Variants in PDZD2 observed in about 807,000 individuals in gnomAD.
PDZD2 encodes the protein PDZ domain-containing protein 2.
In PDZD2, 90 loss-of-function variants were observed where a neutral mutation model predicts 220.7. The observed-to-expected ratio is 0.41, with a 90% CI of 0.34 to 0.49. The LOEUF is 0.49. Among genes scored for constraint, PDZD2 ranks in the 20% least tolerant of loss-of-function variants. The pLI, the probability that PDZD2 is intolerant of heterozygous loss-of-function variation, is 0.28. For synonymous variants in PDZD2, 1,375 were observed against 1,450.5 expected, an observed-to-expected ratio of 0.95 and a Z score of 1.18; for missense variants, 3,174 against 3,608.5, an observed-to-expected ratio of 0.88 and a Z score of 3.08.
intron 1 of PDZD2, among the ~76,000 whole-genome samples, chr5:31,662,757 G>A (rs1474463545): frequency 3.9e-5 from 6 of 152,192 alleles, no homozygotes; most frequent in Non-Finnish European, 8.8e-5. Context: ...AGCCTCCCGG[G>A]TAGCTGGGAC....
intron 1 of PDZD2, among the ~76,000 whole-genome samples, chr5:31,741,359 G>T (rs937047347): frequency 2.2e-5 from 3 of 139,496 alleles, no homozygotes; most frequent in African/African-American, 5.3e-5. Context: ...TTAAAGCCAA[G>T]ATTTTTTTTT....
intron 1 of PDZD2, among the ~76,000 whole-genome samples, chr5:31,728,899 G>T (rs1749337500): frequency 6.6e-6 from 1 of 151,658 alleles, no homozygotes; most frequent in Non-Finnish European, 1.5e-5. Context: ...CTGTCACCTA[G>T]GCCGGAGTGC....
intron 2 of PDZD2, among the ~76,000 whole-genome samples, chr5:31,864,839 C>G (rs1175718619): frequency 5.6e-5 from 4 of 70,932 alleles, no homozygotes; most frequent in African/African-American, 2.3e-4. Context: ...TGAGATTTGT[C>G]TTTTTTTTTT....
intron 2 of PDZD2, 42 bp from the exon 3 acceptor site, chr5:31,983,113 G>A: frequency 1.3e-6 from 2 of 1,580,434 alleles, no homozygotes; most frequent in Non-Finnish European, 1.7e-6. Context: ...TGTCTAGGAA[G>A]GGTGTGTGGG....
chr5:31,782,709 T>A (rs1315706478), intron 1 of PDZD2, among the ~76,000 whole-genome samples: 2 of 49,498 alleles, frequency 4.0e-5, no homozygotes, highest in Non-Finnish European at 7.3e-5. Context: ...CACTTTAGAT[T>A]TTTTTTTTTT....
chr5:32,057,930 C>T lies in PDZD2; in HGVS notation c.2027C>T (p.Pro676Leu), dbSNP rs1426404444. 2 of 1,613,760 alleles carry T rather than the reference C, an allele frequency of 1.2e-6. No homozygotes were observed. The highest frequency in any genetic ancestry group is 1.7e-6 in the Non-Finnish European group (2 of 1,179,902). The change falls in exon 12 of 25, where the codon CCC becomes CTC. Residue 676 changes from proline (P) to leucine (L), a missense_variant. Coordinates refer to ENST00000438447, the MANE Select transcript of PDZD2 (RefSeq NM_178140.4). ...VLTVRTKLVS[P>L]SLTPCSTPTH... ...ACGGTACGCACAAAGTTGGTGAGCCCCAGCCTCACACCCTGCTCGACACCC... is the reference window on the plus strand; with the variant it reads ...ACGGTACGCACAAAGTTGGTGAGCCTCAGCCTCACACCCTGCTCGACACCC...
intron 1 of PDZD2, among the ~76,000 whole-genome samples, chr5:31,777,067 G>T (rs1452231291): frequency 6.6e-6 from 1 of 152,196 alleles, no homozygotes; most frequent in African/African-American, 2.4e-5. Context: ...GGCCGAGCCT[G>T]GAGCCGGCTC....
intron 1 of PDZD2, among the ~76,000 whole-genome samples, chr5:31,751,209 C>A (rs1051989151): frequency 1.5e-4 from 22 of 149,432 alleles, no homozygotes; most frequent in African/African-American, 5.4e-4. Flanking sequence ...CCATTGCACT[C>A]CGGCCTGGGT....
chr5:31,952,562 T>C (rs915822251), intron 2 of PDZD2, among the ~76,000 whole-genome samples: 3 of 152,208 alleles, frequency 2.0e-5, no homozygotes, highest in African/African-American at 7.2e-5. Context: ...TCAGATTATG[T>C]ATCTACAACC....
At chr5:32,073,088 C>T (rs758235677) in intron 17 of PDZD2, among the ~76,000 whole-genome samples, 7 of 151,774 alleles carry the variant, frequency 4.6e-5, no homozygotes, top group Non-Finnish European at 8.8e-5. Flanking sequence ...TGATCCATAC[C>T]GATTTCTCAG....
At chr5:31,715,707 AATTT>A (rs1748404330) in intron 1 of PDZD2, among the ~76,000 whole-genome samples, 1 of 152,234 alleles carries the variant, frequency 6.6e-6, no homozygotes, top group Admixed American at 6.5e-5. Flanking sequence ...TAACAAGTAT[AATTT>A]GTTGAGCATT....
chr5:31,965,060 A>G (rs1251498965), intron 2 of PDZD2, among the ~76,000 whole-genome samples: 1 of 152,198 alleles, frequency 6.6e-6, no homozygotes, highest in Non-Finnish European at 1.5e-5. Flanking sequence ...CCTAATACTG[A>G]TAGGGCTCCG....
intron 15 of PDZD2, 60 bp downstream of exon 15, chr5:32,069,710 C>T (rs930045833): frequency 1.2e-6 from 1 of 849,136 alleles, no homozygotes; most frequent in Non-Finnish European, 2.0e-6. Flanking sequence ...AGTTCACCCA[C>T]AGGCACTCCC....
chr5:31,647,983 A>G (rs1345172104), intron 1 of PDZD2, among the ~76,000 whole-genome samples: 1 of 152,038 alleles, frequency 6.6e-6, no homozygotes, highest in Non-Finnish European at 1.5e-5. Context: ...GTGATTGTTC[A>G]CGGTATGAAT....
At chr5:31,824,658 A>G (rs1416949725) in intron 2 of PDZD2, among the ~76,000 whole-genome samples, 1 of 150,996 alleles carries the variant, frequency 6.6e-6, no homozygotes, top group African/African-American at 2.4e-5. Context: ...CCTTGTTGCA[A>G]TGTCAGTGCA....
At chr5:31,816,232 G>A (rs1176935422) in intron 2 of PDZD2, among the ~76,000 whole-genome samples, 1 of 146,738 alleles carries the variant, frequency 6.8e-6, no homozygotes, top group African/African-American at 2.6e-5. Context: ...AGCTTGCAGT[G>A]AGCCGAGATC....
chr5:31,875,791 A>T (rs1475514327), intron 2 of PDZD2, among the ~76,000 whole-genome samples: 1 of 151,562 alleles, frequency 6.6e-6, no homozygotes, highest in Admixed American at 6.6e-5. Context: ...AGTCCCTAAA[A>T]ATATATAGGT....
intron 19 of PDZD2, among the ~76,000 whole-genome samples, chr5:32,078,356 G>C (rs1249229954): frequency 5.3e-5 from 8 of 152,204 alleles, no homozygotes; most frequent in African/African-American, 1.9e-4. Context: ...TAGGTGCCAG[G>C]TGCAGTGGCT....
At chr5:31,975,458 C>T (rs1350597835) in intron 2 of PDZD2, among the ~76,000 whole-genome samples, 2 of 152,178 alleles carry the variant, frequency 1.3e-5, no homozygotes, top group Non-Finnish European at 2.9e-5. Flanking sequence ...AGCTACAATT[C>T]AAGATGAGAT....
Sources: gnomAD v4.1 joint callset for allele counts (sites outside exome capture counted in the v4.1 genomes callset) on GRCh38, gnomAD v4.1.1 for gene constraint, MANE v1.5 for transcripts, NCBI Gene and HGNC (gene_info 2026-07-23, HGNC 2026-07-21) for gene names.